Variants in VWA2 observed in about 807,000 individuals in gnomAD.
The protein encoded by VWA2 is von Willebrand factor A domain-containing protein 2.
A neutral mutation model predicts 70.4 loss-of-function variants in VWA2; 73 were observed. The ratio of observed to expected loss-of-function variants is 1.04; its 90% confidence interval spans 0.86 to 1.26. The LOEUF (loss-of-function observed/expected upper bound fraction) is 1.26, where lower values mean the gene tolerates loss of function less well. Among genes scored for constraint, VWA2 ranks in the 50% most tolerant of loss-of-function variants. VWA2 has a pLI of 0.00. For synonymous variants in VWA2, 407 were observed against 423.3 expected (o/e 0.96, Z 0.47); for missense variants, 1,011 against 998.5 (o/e 1.01, Z -0.17).
At chr10:114,271,033 C>G (rs1417468854) in intron 5 of VWA2, among the ~76,000 whole-genome samples, 1 of 152,136 alleles carries the variant, frequency 6.6e-6, no homozygotes, top group Non-Finnish European at 1.5e-5. Flanking sequence ...AGCTCCACCC[C>G]ACAATGAATC....
intron 11 of VWA2, among the ~76,000 whole-genome samples, chr10:114,287,693 TA>T (rs903732304): frequency 1.4e-4 from 22 of 152,062 alleles, no homozygotes; most frequent in South Asian, 4.1e-4. Context: ...TTGGATTTTT[TA>T]AAAAAAATAA....
intron 10 of VWA2, among the ~76,000 whole-genome samples, chr10:114,285,698 G>A (rs937713445): frequency 6.6e-6 from 1 of 152,244 alleles, no homozygotes; most frequent in Non-Finnish European, 1.5e-5. Flanking sequence ...ATGGAAAAAA[G>A]TGATAATGTA....
At chr10:114,277,436 G>A (rs1198078300) in intron 6 of VWA2, among the ~76,000 whole-genome samples, 2 of 151,834 alleles carry the variant, frequency 1.3e-5, no homozygotes, top group African/African-American at 2.4e-5. Context: ...CACCCACCTC[G>A]GCCTCCCAAA....
chr10:114,261,331 C>T (rs563852237), intron 5 of VWA2, 36 bp downstream of exon 5: 87 of 1,556,628 alleles, frequency 5.6e-5, no homozygotes, highest in African/African-American at 3.1e-4. Flanking sequence ...GTTAGGGTGA[C>T]GCCAACTGCT....
chr10:114,249,999 G>C (rs1367681778), intron 2 of VWA2, among the ~76,000 whole-genome samples: 1 of 151,994 alleles, frequency 6.6e-6, no homozygotes, highest in Non-Finnish European at 1.5e-5. Context: ...TTGCCCCTGT[G>C]CTTGGATCAC....
intron 3 of VWA2, 33 bp downstream of exon 3, chr10:114,253,758 C>A: frequency 1.3e-6 from 2 of 1,576,754 alleles, no homozygotes; most frequent in Non-Finnish European, 1.7e-6. Context: ...CCTCCAGATG[C>A]CCACTCAGAC....
chr10:114,290,840 G>A (rs746779531), intron 13 of VWA2, among the ~76,000 whole-genome samples: 1 of 152,170 alleles, frequency 6.6e-6, no homozygotes, highest in Non-Finnish European at 1.5e-5. Context: ...AAGTGAGGAC[G>A]AGGAGGAGGT....
chr10:114,276,673 A>ATTTTTTT (rs34808735), intron 6 of VWA2, among the ~76,000 whole-genome samples: 1 of 113,696 alleles, frequency 8.8e-6, no homozygotes, highest in African/African-American at 3.6e-5. Context: ...ACACCCAGCA[A>ATTTTTTT]TTTTTTTTTT....
At chr10:114,266,219 C>G (rs1296630735) in intron 5 of VWA2, among the ~76,000 whole-genome samples, 2 of 152,180 alleles carry the variant, frequency 1.3e-5, no homozygotes, top group East Asian at 3.9e-4. Flanking sequence ...ATGGCATGAA[C>G]CCAGGAGGCA....
intron 4 of VWA2, among the ~76,000 whole-genome samples, chr10:114,259,548 G>T (rs1392573443): frequency 6.6e-6 from 1 of 151,592 alleles, no homozygotes; most frequent in Admixed American, 6.6e-5. Context: ...AGAAAGTAAG[G>T]TCTTTTTACA....
At chr10:114,277,165 C>T (rs539323178) in intron 6 of VWA2, among the ~76,000 whole-genome samples, 24 of 103,654 alleles carry the variant, frequency 2.3e-4, no homozygotes, top group African/African-American at 9.2e-4. Flanking sequence ...ACTGACTGCA[C>T]GTCTTTTTTT....
intron 8 of VWA2, among the ~76,000 whole-genome samples, chr10:114,280,518 G>A (rs538145041): frequency 1.3e-5 from 2 of 152,260 alleles, no homozygotes; most frequent in South Asian, 4.1e-4. Context: ...TTTGTGTCCA[G>A]ACCTGAGGGA....
chr10:114,292,403 C>T lies in VWA2; in HGVS notation c.*1166C>T, dbSNP rs2039685482. 6.6e-6 allele frequency among the ~76,000 whole-genome samples: 1 copy of T among 151,946 alleles called. No homozygotes were observed. The highest frequency in any genetic ancestry group is 2.4e-5 in the African/African-American group (1 of 41,326). On this transcript the variant is annotated 3_prime_UTR_variant, in exon 14 of 14. Coordinates refer to ENST00000392982, the MANE Select transcript of VWA2 (RefSeq NM_001272046.2). ...AACTCAAAAATATAGGATAAAGAAACTTACAGAGATTTTGCTTTTTAAAGC... is the reference window on the plus strand; with the variant it reads ...AACTCAAAAATATAGGATAAAGAAATTTACAGAGATTTTGCTTTTTAAAGC...
chr10:114,265,284 T>C (rs938533263), intron 5 of VWA2, among the ~76,000 whole-genome samples: 2 of 152,116 alleles, frequency 1.3e-5, no homozygotes, highest in Admixed American at 6.5e-5. Context: ...AAAAAAAAAA[T>C]TTACCCATTA....
At chr10:114,284,301 T>G (rs971669104) in intron 9 of VWA2, among the ~76,000 whole-genome samples, 2 of 152,214 alleles carry the variant, frequency 1.3e-5, no homozygotes, top group Non-Finnish European at 2.9e-5. Flanking sequence ...TGCGGATTAA[T>G]TCATTTAATC....
At chr10:114,264,662 G>A (rs753549002) in intron 5 of VWA2, among the ~76,000 whole-genome samples, 14 of 151,906 alleles carry the variant, frequency 9.2e-5, no homozygotes, top group Non-Finnish European at 1.5e-4. Context: ...CTCGTGATCT[G>A]CCTGCCTTGG....
intron 5 of VWA2, among the ~76,000 whole-genome samples, chr10:114,266,812 G>A (rs564398071): frequency 2.0e-5 from 3 of 152,188 alleles, no homozygotes; most frequent in South Asian, 2.1e-4. Flanking sequence ...GGCAGAAAAC[G>A]GTTGATAGCC....
intron 5 of VWA2, among the ~76,000 whole-genome samples, chr10:114,266,581 A>T (rs559200881): frequency 6.6e-6 from 1 of 152,334 alleles, no homozygotes; most frequent in East Asian, 1.9e-4. Context: ...CCTTGCAAGA[A>T]GTTTAAAAAA....
rs747585409 is a variant in VWA2 at position 114,272,831 on chromosome 10, A to C, written c.463A>C (p.Ile155Leu). Reference sequence around the variant, plus strand: ...AAATGCTTCTGTGCCCCAGATCCTCATCATCGTCACTGATGGGAAGTCCCA... The same window carrying C: ...AAATGCTTCTGTGCCCCAGATCCTCCTCATCGTCACTGATGGGAAGTCCCA... ...GRNASVPQILIIVTDGKSQGD... is the reference protein window; with the variant it reads ...GRNASVPQILLIVTDGKSQGD... Residue 155 changes from isoleucine to leucine, a missense_variant, in exon 6 of 14, where the codon ATC becomes CTC. Transcript: ENST00000392982. 20 of 1,614,110 alleles carry C rather than the reference A, an allele frequency of 1.2e-5. No homozygotes were observed. Among genetic ancestry groups the C allele is most frequent in the South Asian group, 6.6e-5 (6 of 91,050 alleles).
Sources: allele counts gnomAD v4.1 joint callset (sites outside exome capture counted in the v4.1 genomes callset), GRCh38; gene constraint gnomAD v4.1.1; transcripts MANE v1.5; gene names NCBI Gene and HGNC (gene_info 2026-07-23, HGNC 2026-07-21).